The following SLC28A1 variants were observed in gnomAD, a reference collection of about 807,000 sequenced individuals.
SLC28A1 encodes sodium/nucleoside cotransporter 1.
SLC28A1 carries 64 observed loss-of-function variants against 74.8 expected under a neutral mutation model. The observed-to-expected ratio is 0.86, with a 90% CI of 0.70 to 1.05. The LOEUF is 1.05. Among genes scored for constraint, SLC28A1 ranks in the 50% least tolerant of loss-of-function variants. The pLI, the probability that SLC28A1 is intolerant of heterozygous loss-of-function variation, is 0.00. For missense variants in SLC28A1, 828 were observed against 822.8 expected (o/e 1.01, Z -0.08); for synonymous variants, 359 against 335.0 (o/e 1.07, Z -0.78).
At chr15:84,940,961 C>A (rs984668119) in intron 15 of SLC28A1, 3 of 153,792 alleles carry the variant, frequency 2.0e-5, no homozygotes, top group African/African-American at 7.2e-5. Context: ...TTCAAATTTT[C>A]TTTTCTGTTT....
chr15:84,925,146 C>T (rs1383103914), intron 12 of SLC28A1, among the ~76,000 whole-genome samples: 1 of 140,670 alleles, frequency 7.1e-6, no homozygotes, highest in Non-Finnish European at 1.5e-5. Flanking sequence ...GTCTCGATCT[C>T]CTGACCTTGT....
chr15:84,935,624 A>G lies in SLC28A1; in HGVS notation c.1581+106A>G, dbSNP rs1293853713. 4.2e-6 allele frequency: 4 copies of G among 944,202 alleles called. No individual in the cohort carries two copies. In the African/African-American group the frequency reaches 4.8e-5, roughly 11 times the overall value. The allele number at this position is 944,202 out of a possible 1,614,324, so 58.5% of individuals were successfully genotyped here. On this transcript the variant is annotated intron_variant, in intron 15 of 18. Transcript: ENST00000394573. ...CGCTCCCTGGGCCTGGCTGAGACAC[A>G]CTGAAGTGGTGCTTCACCTCCTACA...
intron 6 of SLC28A1, among the ~76,000 whole-genome samples, chr15:84,901,137 G>A (rs1052901683): frequency 2.0e-5 from 3 of 152,130 alleles, no homozygotes; most frequent in South Asian, 2.1e-4. Flanking sequence ...CAGAAGAATC[G>A]CTTGAACGTG....
At chr15:84,963,656 T>C in the SLC28A1 span, among the ~76,000 whole-genome samples, 12 of 152,304 alleles carry the variant, frequency 7.9e-5, no homozygotes, top group East Asian at 2.3e-3. Flanking sequence ...TCAGCCATTG[T>C]ACACCAGGCC....
chr15:84,943,428 A>G lies in SLC28A1; in HGVS notation c.1582-17A>G, dbSNP rs762020786. On this transcript the variant is annotated splice_polypyrimidine_tract_variant and intron_variant, in intron 15 of 18. Coordinates refer to ENST00000394573, the MANE Select transcript of SLC28A1 (RefSeq NM_004213.5). Reference sequence around the variant, plus strand: ...ATCTGAGGGGAGCCCCTCCTCATGCATCTTCTGTATTTTCAGGTCAGAGCT... The same window carrying G: ...ATCTGAGGGGAGCCCCTCCTCATGCGTCTTCTGTATTTTCAGGTCAGAGCT... The G allele has an allele frequency of 1.2e-5, 19 of 1,606,674 alleles. No individual in the cohort carries two copies. The highest frequency in any genetic ancestry group is 9.9e-5 in the South Asian group (9 of 90,896).
At chr15:84,911,440 A>AG (rs1229029638) in intron 9 of SLC28A1, among the ~76,000 whole-genome samples, 1 of 152,244 alleles carries the variant, frequency 6.6e-6, no homozygotes, top group Non-Finnish European at 1.5e-5. Flanking sequence ...AGCCAGAGCT[A>AG]GAACCCCTCC....
rs1970175768 is a variant in SLC28A1, at chr15:84,923,974, C to T, written c.958-11C>T. The T allele has an allele frequency of 3.1e-6, 5 of 1,614,046 alleles. No homozygotes were observed. Among genetic ancestry groups the T allele is most frequent in the Non-Finnish European group, 4.2e-6 (5 of 1,179,998 alleles). On this transcript the variant is annotated splice_polypyrimidine_tract_variant and intron_variant, in intron 11 of 18. Transcript: ENST00000394573. ...CCCACCCTGCTTGTCTGACATCTTT[C>T]CTGTTTGCAGACCGAGGCTCCATTA...
At chr15:84,951,281 A>G in the SLC28A1 span, among the ~76,000 whole-genome samples, 3 of 152,020 alleles carry the variant, frequency 2.0e-5, no homozygotes, top group Non-Finnish European at 2.9e-5. Context: ...AACCCCTTCG[A>G]GAAAAATTAG....
chr15:84,969,262 G>C, the SLC28A1 span, among the ~76,000 whole-genome samples: 1 of 152,216 alleles, frequency 6.6e-6, no homozygotes, highest in Admixed American at 6.5e-5. Context: ...TTGCCACCAC[G>C]GGCCAGGAGA....
Position 84,912,822 on chromosome 15 carries a change from A to AGTG in SLC28A1, c.795+4027_795+4028insGTG, listed in dbSNP as rs1968528537. ...TGCGCGCGCGCACACACACACACAC[A>AGTG]CACACACACACACACACACACACAC... On this transcript the variant is annotated intron_variant, in intron 9 of 18. Coordinates refer to ENST00000394573, the MANE Select transcript of SLC28A1 (RefSeq NM_004213.5). Among the ~76,000 whole-genome samples, 7 of 132,000 alleles carry AGTG rather than the reference A, an allele frequency of 5.3e-5. No individual in the cohort carries two copies. The South Asian group carries it at 1.4e-3, about 26-fold the overall frequency. 86.6% of individuals were successfully genotyped at this position (132,000 alleles called of 152,430 possible).
the SLC28A1 span, among the ~76,000 whole-genome samples, chr15:84,973,421 T>C: frequency 9.8e-5 from 15 of 152,324 alleles, no homozygotes; most frequent in Non-Finnish European, 1.8e-4. Flanking sequence ...CAACACCCAT[T>C]AACTCTAGAT....
Position 84,910,220 on chromosome 15 carries a change from T to C in SLC28A1, c.795+1425T>C, listed in dbSNP as rs182398984. 2.0e-5 allele frequency among the ~76,000 whole-genome samples: 3 copies of C among 152,338 alleles called. No individual in the cohort carries two copies. The East Asian group carries it at 5.8e-4, about 29-fold the overall frequency. ...CCATCATGTTTTCTGAGACCAGTTC[T>C]GCATAGGGAGAATATTGGGAGGGGG... On this transcript the variant is annotated intron_variant, in intron 9 of 18. Coordinates refer to ENST00000394573, the MANE Select transcript of SLC28A1 (RefSeq NM_004213.5).
intron 8 of SLC28A1, 133 bp from the exon 9 acceptor site, chr15:84,908,585 G>T (rs1382738728): frequency 1.4e-5 from 10 of 722,508 alleles, no homozygotes; most frequent in Non-Finnish European, 2.2e-5. Flanking sequence ...TTGCCAGGTG[G>T]TGCCCCCCCC....
chr15:84,946,018 T>C (rs1343456082), downstream of SLC28A1, among the ~76,000 whole-genome samples: 2 of 142,638 alleles, frequency 1.4e-5, no homozygotes, highest in Non-Finnish European at 3.0e-5. Flanking sequence ...TACCACCATG[T>C]CCAGCTAATT....
At chr15:84,886,593 T>C in intron 1 of SLC28A1, 79 bp from the exon 2 acceptor site, 1 of 985,502 alleles carries the variant, frequency 1.0e-6, no homozygotes, top group African/African-American at 1.7e-5. Flanking sequence ...CCACCCTGGC[T>C]GTGGCCCTGG....
intron 5 of SLC28A1, among the ~76,000 whole-genome samples, chr15:84,892,012 G>A (rs890137570): frequency 2.6e-5 from 4 of 152,016 alleles, no homozygotes; most frequent in Admixed American, 6.6e-5. Context: ...CTTTGCAGGA[G>A]CAAGCTCACC....
intron 10 of SLC28A1, among the ~76,000 whole-genome samples, chr15:84,919,506 T>C (rs1969546721): frequency 6.6e-6 from 1 of 152,172 alleles, no homozygotes; most frequent in Non-Finnish European, 1.5e-5. Context: ...GGTTTCAAGA[T>C]TGAAACCTTG....
At chr15:84,887,992 GCA>G (rs1311874160) in intron 3 of SLC28A1, 136 bp downstream of exon 3, 1 of 694,832 alleles carries the variant, frequency 1.4e-6, no homozygotes, top group Non-Finnish European at 2.6e-6. Context: ...CTCTTTGCTG[GCA>G]CAGTTATGAA....
chr15:84,957,856 C>T, the SLC28A1 span, among the ~76,000 whole-genome samples: 9 of 152,082 alleles, frequency 5.9e-5, no homozygotes, highest in Non-Finnish European at 1.2e-4. Context: ...TGCAAAAAAC[C>T]CAGCTGAGAT....
Sources: gnomAD v4.1 joint callset for allele counts (sites outside exome capture counted in the v4.1 genomes callset) on GRCh38, gnomAD v4.1.1 for gene constraint, MANE v1.5 for transcripts, NCBI Gene and HGNC (gene_info 2026-07-23, HGNC 2026-07-21) for gene names.